Variants in SHC2 observed in about 807,000 individuals in gnomAD.
SHC2 encodes the protein SHC-transforming protein 2.
A neutral mutation model predicts 60.6 loss-of-function variants in SHC2; 62 were observed. The ratio of observed to expected loss-of-function variants is 1.02; its 90% CI spans 0.83 to 1.26. The LOEUF (loss-of-function observed/expected upper bound fraction) is 1.26, where lower values mean the gene tolerates loss of function less well. Ranked by LOEUF, SHC2 falls within the 50% of genes most tolerant of loss-of-function variation. SHC2 has a pLI of 0.00. For missense variants in SHC2, 873 were observed against 822.2 expected, an observed-to-expected ratio of 1.06 and a Z score of -0.76; for synonymous variants, 375 against 372.4, an observed-to-expected ratio of 1.01 and a Z score of -0.08.
chr19:447,240 T>A (rs1434160408), intron 1 of SHC2, among the ~76,000 whole-genome samples: 1 of 143,578 alleles, frequency 7.0e-6, no homozygotes, highest in South Asian at 2.1e-4. Flanking sequence ...CCCATTTCTA[T>A]GAAGTGGCCA....
chr19:425,468 C>T lies in SHC2; in HGVS notation c.1175-237G>A, dbSNP rs554335179. On this transcript the variant is annotated intron_variant, in intron 9 of 12. Transcript: ENST00000264554. The surrounding 1 kb of genome is among the most constrained non-coding windows in gnomAD (Gnocchi z 4.1). ...CCAGGGACAAGAGTGGGGCAGCGTG[C>T]GGCTGGGGCTGTGGGCACCAGACGT... 1.3e-4 allele frequency among the ~76,000 whole-genome samples: 20 copies of T among 152,306 alleles called. No homozygotes were observed. The highest frequency in any genetic ancestry group is 4.1e-4 in the African/African-American group (17 of 41,566).
At position 434,865 on chromosome 19, in the gene SHC2, C is replaced by A. The variant is rs757738429; in HGVS notation, c.954G>T (p.Arg318Ser). ...AGGCCGACTCCTCCGGCCCTGCCAG[C>A]CTGGGGGACAGACAACAACGGCCAT... ...SPPKVALPPE[R>S]LAGPEESAWG... The change falls in exon 8 of 13, where the codon AGG (arginine) becomes AGT (serine). Residue 318 changes from arginine (R) to serine (S), a missense_variant and splice_region_variant. By Grantham distance (110) the Arg-to-Ser change is moderately radical. Transcript: ENST00000264554. 2 of 1,609,306 alleles carry A rather than the reference C, an allele frequency of 1.2e-6. No homozygotes were observed.
At chr19:439,880 G>C (rs1018254685) in intron 2 of SHC2, among the ~76,000 whole-genome samples, 25 of 152,004 alleles carry the variant, frequency 1.6e-4, no homozygotes, top group African/African-American at 5.8e-4. Flanking sequence ...ATAAAAACTA[G>C]CTGGGTGTGG....
chr19:430,249 A>C (rs1312723891), intron 9 of SHC2, among the ~76,000 whole-genome samples: 1 of 151,754 alleles, frequency 6.6e-6, no homozygotes, highest in Non-Finnish European at 1.5e-5. Flanking sequence ...CGTGCACGGA[A>C]ACCTAATACC....
At chr19:455,556 C>T (rs1156681752) in intron 1 of SHC2, among the ~76,000 whole-genome samples, 2 of 152,254 alleles carry the variant, frequency 1.3e-5, no homozygotes, top group East Asian at 3.8e-4. Flanking sequence ...ACACCGGGAT[C>T]GCTGCAGGAT....
chr19:422,222 T>C lies in SHC2; in HGVS notation c.1544A>G (p.Asn515Ser), dbSNP rs1431732390. 11 of 1,612,346 alleles carry C rather than the reference T, an allele frequency of 6.8e-6. No individual in the cohort carries two copies. The East Asian group carries it at 1.1e-4, about 16-fold the overall frequency. The change falls in exon 11 of 13, where the codon AAC becomes AGC. Residue 515 changes from asparagine to serine, a missense_variant. Physicochemically the swap from Asn to Ser is conservative, Grantham distance 46. Coordinates refer to ENST00000264554, the MANE Select transcript of SHC2 (RefSeq NM_012435.3). The surrounding 1 kb of genome is among the most constrained non-coding windows in gnomAD (Gnocchi z 5.0). ...GCCGGTGAGGACATACTGCCCGGGG[T>C]TGGTGACGCTGTCTCGCACAAGGAA... is the stretch of plus-strand genomic sequence containing the variant. Reference protein sequence around the residue: ...GDFLVRDSVTNPGQYVLTGMH... With the variant: ...GDFLVRDSVTSPGQYVLTGMH...
intron 11 of SHC2, among the ~76,000 whole-genome samples, chr19:421,640 T>G (rs1248706825): frequency 1.3e-5 from 2 of 152,104 alleles, no homozygotes; most frequent in African/African-American, 4.8e-5. Context: ...GGAGAGCATC[T>G]TATGATGGAT....
At chr19:421,215 A>G (rs866387560) in intron 11 of SHC2, among the ~76,000 whole-genome samples, 2 of 151,726 alleles carry the variant, frequency 1.3e-5, no homozygotes, top group South Asian at 2.1e-4. Context: ...TGGCCAATAT[A>G]GTGAAACCCC....
In SHC2 at chr19:424,157, A is replaced by C. The variant is rs1974350358; in HGVS notation, c.1309+940T>G. Among the ~76,000 whole-genome samples the C allele has an allele frequency of 6.6e-6, 1 of 152,202 alleles. No homozygotes were observed. On this transcript the variant is annotated intron_variant, in intron 10 of 12. Coordinates refer to ENST00000264554, the MANE Select transcript of SHC2 (RefSeq NM_012435.3). The surrounding 1 kb of genome is among the most constrained non-coding windows in gnomAD (Gnocchi z 4.5). ...AGCCAACACCTCTCCGTGCTGGAGAAGGGCAGAGTCGAGGCTGCAGGAAAT... is the reference window on the plus strand; with the variant it reads ...AGCCAACACCTCTCCGTGCTGGAGACGGGCAGAGTCGAGGCTGCAGGAAAT...
intron 12 of SHC2, among the ~76,000 whole-genome samples, chr19:418,255 C>A (rs1974197597): frequency 6.6e-6 from 1 of 152,236 alleles, no homozygotes; most frequent in Admixed American, 6.5e-5. Context: ...AGTGCCCACC[C>A]CTCCTCTGGG....
At chr19:437,176 ATGCTCGTTTGCATGCTCATCTACT>A (rs1476185029) in intron 4 of SHC2, among the ~76,000 whole-genome samples, 5 of 152,078 alleles carry the variant, frequency 3.3e-5, no homozygotes, top group African/African-American at 1.2e-4. Context: ...ACTGATCTGC[ATGCTCGTTTGCATGCTCATCTACT>A]TGCTCGTTTG....
intron 8 of SHC2, among the ~76,000 whole-genome samples, chr19:434,161 A>C (rs138872457): frequency 0.065 from 7,532 of 116,334 alleles, 319 homozygotes; most frequent in East Asian, 0.24. Flanking sequence ...TGAGTGAGAT[A>C]GTGAGTGAGA....
Position 438,839 on chromosome 19 carries a change from T to C in SHC2, c.601-2A>G. 1 of 1,564,642 alleles carries C rather than the reference T, an allele frequency of 6.4e-7. No homozygotes were observed. Among genetic ancestry groups the C allele is most frequent in the Non-Finnish European group, 8.7e-7 (1 of 1,155,718 alleles). ...GGACGCCAGGGCCTTGTTGGGGGCC[T>C]GAGTTGGGGGCGGAGCACAGCGAGG... is the stretch of plus-strand genomic sequence containing the variant. On this transcript the variant is annotated splice_acceptor_variant, in intron 3 of 12. Transcript: ENST00000264554. LOFTEE classifies it high-confidence loss of function. The surrounding 1 kb of genome is among the most constrained non-coding windows in gnomAD (Gnocchi z 5.0).
intron 1 of SHC2, among the ~76,000 whole-genome samples, chr19:442,492 T>C (rs1385180947): frequency 5.3e-5 from 5 of 94,742 alleles, no homozygotes; most frequent in South Asian, 4.0e-4. Flanking sequence ...GATGGGTGGA[T>C]GGATGGATGG....
intron 1 of SHC2, among the ~76,000 whole-genome samples, chr19:450,074 G>C (rs1384324411): frequency 1.3e-5 from 2 of 152,226 alleles, no homozygotes. Flanking sequence ...CCCTGGCCAT[G>C]GCTTTCCACA....
intron 1 of SHC2, among the ~76,000 whole-genome samples, chr19:450,055 C>T (rs118067472): frequency 0.015 from 2,313 of 152,328 alleles, 63 homozygotes; most frequent in East Asian, 0.086. Flanking sequence ...CCACAGCCCC[C>T]GTCAGTGCCC....
chr19:439,997 G>T (rs1238873763), intron 2 of SHC2, among the ~76,000 whole-genome samples: 1 of 144,728 alleles, frequency 6.9e-6, no homozygotes, highest in East Asian at 2.0e-4. Context: ...CTGCACTCCA[G>T]CCTGGGCAAC....
At position 425,082 on chromosome 19, in the gene SHC2, C is replaced by T. The variant is rs200660578; in HGVS notation, c.1309+15G>A. On this transcript the variant is annotated intron_variant, in intron 10 of 12. Transcript: ENST00000264554. This position sits in a 1 kb window ranked among gnomAD's most constrained non-coding sequence, Gnocchi z 4.1. The stretch of plus-strand genomic sequence containing the variant: ...GCCACACGCGATGACGGCCGCCCCC[C>T]AGGCTGCCACATACGCATGTCAAAC... 3 of 1,371,938 alleles carry T rather than the reference C, an allele frequency of 2.2e-6. No individual in the cohort carries two copies. Among genetic ancestry groups the T allele is most frequent in the Non-Finnish European group, 2.8e-6 (3 of 1,053,868 alleles). The allele number at this position is 1,371,938 out of a possible 1,614,324, so 85.0% of individuals were successfully genotyped here. A position where few individuals can be genotyped will look rare whatever the true frequency, so the allele number is the denominator to read the frequency against.
In SHC2 at chr19:441,461, C is replaced by A. The variant is rs775530720; in HGVS notation, c.469-529G>T. Reference sequence around the variant, plus strand: ...TTCACCATCTCAATGACTGATAATACTGAGGGACGAGAGGGGCAGAGGCGT... The same window carrying A: ...TTCACCATCTCAATGACTGATAATAATGAGGGACGAGAGGGGCAGAGGCGT... On this transcript the variant is annotated intron_variant, in intron 1 of 12. Transcript: ENST00000264554. The surrounding 1 kb of genome is among the most constrained non-coding windows in gnomAD (Gnocchi z 4.9). 3.3e-5 allele frequency among the ~76,000 whole-genome samples: 5 copies of A among 152,184 alleles called. No individual in the cohort carries two copies. The highest frequency in any genetic ancestry group is 7.3e-5 in the Non-Finnish European group (5 of 68,038).
Sources: allele counts gnomAD v4.1 joint callset (sites outside exome capture counted in the v4.1 genomes callset), GRCh38; gene constraint gnomAD v4.1.1; non-coding constraint Gnocchi (gnomAD v3.1); transcripts MANE v1.5; gene names NCBI Gene and HGNC (gene_info 2026-07-23, HGNC 2026-07-21).